The following SLC30A5 variants were observed in gnomAD, a reference collection of about 807,000 sequenced individuals.
The protein encoded by SLC30A5 is proton-coupled zinc antiporter SLC30A5.
Under a neutral mutation model 79.6 loss-of-function variants are expected in SLC30A5, and 33 were observed. That is an observed-to-expected ratio of 0.41 (90% CI 0.31 to 0.55). The LOEUF is 0.55. SLC30A5 is among the 20% of genes least tolerant of loss of function. SLC30A5 has a pLI of 0.20. For synonymous variants in SLC30A5, 299 were observed against 319.7 expected, an observed-to-expected ratio of 0.94 and a Z score of 0.69; for missense variants, 788 against 928.1, an observed-to-expected ratio of 0.85 and a Z score of 1.96.
At chr5:69,098,238 C>T (rs1044988864) in intron 1 of SLC30A5, among the ~76,000 whole-genome samples, 2 of 152,050 alleles carry the variant, frequency 1.3e-5, no homozygotes, top group Admixed American at 6.6e-5. Flanking sequence ...CCCTGGTTCT[C>T]GCCAGGCGCG....
intron 14 of SLC30A5, among the ~76,000 whole-genome samples, chr5:69,126,488 C>A (rs567836176): frequency 6.6e-6 from 1 of 151,918 alleles, no homozygotes; most frequent in Non-Finnish European, 1.5e-5. Context: ...GTAGGCCAGG[C>A]GTGGCGGCTC....
At position 69,115,135 on chromosome 5, in the gene SLC30A5, GAAAAAAAAAAAAAAAAAAAA is replaced by G. The variant is rs60614154; in HGVS notation, c.613-91_613-72del. On this transcript the variant is annotated intron_variant, in intron 7 of 15. Coordinates refer to ENST00000396591, the MANE Select transcript of SLC30A5 (RefSeq NM_022902.5). ...GGCAGAGCAAGACCCTGTCTCTGGG[GAAAAAAAAAAAAAAAAAAAA>G]AAAAAAAAAAGATCATGTATTTAAC... is the stretch of plus-strand genomic sequence containing the variant. 9 of 535,196 alleles carry G rather than the reference GAAAAAAAAAAAAAAAAAAAA, an allele frequency of 1.7e-5. 1 individual carries two copies. The highest frequency in any genetic ancestry group is 7.0e-5 in the Admixed American group (2 of 28,652). The allele number at this position is 535,196 out of a possible 1,614,324, so 33.2% of individuals were successfully genotyped here. A position where few individuals can be genotyped will look rare whatever the true frequency, so the allele number is the denominator to read the frequency against.
intron 1 of SLC30A5, among the ~76,000 whole-genome samples, chr5:69,097,214 C>T (rs1182063011): frequency 1.4e-5 from 2 of 141,460 alleles, no homozygotes; most frequent in African/African-American, 2.7e-5. Flanking sequence ...CTCCCGGATT[C>T]GCACCATTCT....
chr5:69,130,942 G>A lies in SLC30A5; in HGVS notation c.*1325G>A, dbSNP rs1746831213. The A allele has an allele frequency of 6.6e-6, 1 of 151,796 alleles. No homozygotes were observed. Among genetic ancestry groups the A allele is most frequent in the African/African-American group, 2.4e-5 (1 of 41,300 alleles). The allele number at this position is 151,796 out of a possible 1,614,324, so 9.4% of individuals were successfully genotyped here. The stretch of plus-strand genomic sequence containing the variant: ...AACATGTATTATAAATCATATTTTT[G>A]TCTTACCAATTTTAATATATGAGGG... On this transcript the variant is annotated 3_prime_UTR_variant, in exon 16 of 16. Transcript: ENST00000396591.
At chr5:69,123,162 C>T in intron 13 of SLC30A5, 37 bp from the exon 14 acceptor site, 3 of 1,426,366 alleles carry the variant, frequency 2.1e-6, no homozygotes, top group South Asian at 1.3e-5. Context: ...ATTAGATGTG[C>T]CTTAATTTTT....
chr5:69,099,429 C>A lies in SLC30A5; in HGVS notation c.84-1378C>A, dbSNP rs1290401571. Among the ~76,000 whole-genome samples, 3 of 152,254 alleles carry A rather than the reference C, an allele frequency of 2.0e-5. No homozygotes were observed. In the East Asian group the frequency reaches 5.8e-4, roughly 29 times the overall value. ...AAACATGGACATTCTCTTATAAAGC[C>A]AGCAGAGTTGTCTACTTCAGGAAAT... is the stretch of plus-strand genomic sequence containing the variant. On this transcript the variant is annotated intron_variant, in intron 1 of 15. Transcript: ENST00000396591.
In SLC30A5 at chr5:69,116,081, T is replaced by G; in HGVS notation, c.939T>G (p.Ala313=). 1 of 1,614,156 alleles carries G rather than the reference T, an allele frequency of 6.2e-7. No homozygotes were observed. The highest frequency in any genetic ancestry group is 1.6e-4 in the Middle Eastern group (1 of 6,062). ...GATCCTTTCCCATTTTTATTAGTGC[T>G]CTCCTTTTTGGAAATTTTTGGACAC... The part of the protein sequence containing the change: ...RYGSFPIFIS[A]LLFGNFWTHP... Residue 313 remains alanine (A), a synonymous_variant, in exon 9 of 16, where the codon GCT becomes GCG. Coordinates refer to ENST00000396591, the MANE Select transcript of SLC30A5 (RefSeq NM_022902.5). The surrounding 1 kb of genome is among the most constrained non-coding windows in gnomAD (Gnocchi z 4.0).
In SLC30A5 at chr5:69,121,624, T is replaced by C. The variant is rs1746534179; in HGVS notation, c.1570-70T>C. 6.4e-6 allele frequency: 7 copies of C among 1,089,090 alleles called. No homozygotes were observed. The South Asian group carries it at 9.8e-5, about 15-fold the overall frequency. 67.5% of individuals were successfully genotyped at this position (1,089,090 alleles called of 1,614,324 possible). ...AAACAGAAAAACATATATAGCTATA[T>C]AATAACTTTTAAATAACAAGTCTAT... On this transcript the variant is annotated intron_variant, in intron 12 of 15. Coordinates refer to ENST00000396591, the MANE Select transcript of SLC30A5 (RefSeq NM_022902.5).
Position 69,118,495 on chromosome 5 carries a change from T to A in SLC30A5, c.1440-4T>A, listed in dbSNP as rs921409579. ...CTTTTCTGAAAAATGTTCTATGTTTTTAGGTACGGCCGAATAGAAATTCTG... is the reference window on the plus strand; with the variant it reads ...CTTTTCTGAAAAATGTTCTATGTTTATAGGTACGGCCGAATAGAAATTCTG... On this transcript the variant is annotated splice_region_variant and splice_polypyrimidine_tract_variant and intron_variant, in intron 11 of 15. Transcript: ENST00000396591. 1.3e-5 allele frequency: 20 copies of A among 1,594,306 alleles called. No homozygotes were observed. The highest frequency in any genetic ancestry group is 1.7e-5 in the Non-Finnish European group (20 of 1,172,588).
intron 2 of SLC30A5, 160 bp from the exon 3 acceptor site, chr5:69,102,902 T>A: frequency 2.5e-6 from 1 of 399,696 alleles, no homozygotes; most frequent in Non-Finnish European, 4.6e-6. Context: ...GCAATAGGAG[T>A]TTTACTAAAA....
intron 3 of SLC30A5, chr5:69,103,999 T>G: frequency 6.4e-7 from 1 of 1,571,004 alleles, no homozygotes; most frequent in East Asian, 2.3e-5. Context: ...AGAAAAGAAT[T>G]TAAAGACAAA....
At chr5:69,125,378 T>G (rs944096609) in intron 14 of SLC30A5, among the ~76,000 whole-genome samples, 1 of 144,168 alleles carries the variant, frequency 6.9e-6, no homozygotes, top group Admixed American at 7.0e-5. Context: ...TATAAAAAAT[T>G]AGCCGGGCAT....
intron 14 of SLC30A5, among the ~76,000 whole-genome samples, chr5:69,126,579 G>A (rs1746694957): frequency 1.3e-5 from 2 of 152,044 alleles, no homozygotes; most frequent in Non-Finnish European, 2.9e-5. Context: ...TGGTCAATAT[G>A]GTGAAACCCC....
chr5:69,110,336 C>A (rs1746199204), intron 5 of SLC30A5, among the ~76,000 whole-genome samples: 2 of 152,158 alleles, frequency 1.3e-5, no homozygotes, highest in South Asian at 4.1e-4. Flanking sequence ...TAGATAAAGA[C>A]AAATAAGGTA....
In SLC30A5 at chr5:69,104,752, AT is replaced by A. The variant is rs1250758323; in HGVS notation, c.359+39del. The A allele has an allele frequency of 3.2e-6, 5 of 1,577,886 alleles. No homozygotes were observed. The African/African-American group carries it at 7.1e-5, about 22-fold the overall frequency. On this transcript the variant is annotated intron_variant, in intron 4 of 15. Coordinates refer to ENST00000396591, the MANE Select transcript of SLC30A5 (RefSeq NM_022902.5). Reference sequence around the variant, plus strand: ...ATGCATATTTTGAATGTGTGTTTGTATTTCTTCATTTTGAATATTATTTTTG... The same window carrying A: ...ATGCATATTTTGAATGTGTGTTTGTATTCTTCATTTTGAATATTATTTTTG...
At position 69,129,746 on chromosome 5, in the gene SLC30A5, G is replaced by A. The variant is rs1746801979; in HGVS notation, c.*129G>A. Reference sequence around the variant, plus strand: ...ACAGAGTTCCCTACTACTGGATCAAGGAATCTTTCTTGAAGGAAATTTAAA... The same window carrying A: ...ACAGAGTTCCCTACTACTGGATCAAAGAATCTTTCTTGAAGGAAATTTAAA... On this transcript the variant is annotated 3_prime_UTR_variant, in exon 16 of 16. Coordinates refer to ENST00000396591, the MANE Select transcript of SLC30A5 (RefSeq NM_022902.5). 1 of 700,326 alleles carries A rather than the reference G, an allele frequency of 1.4e-6. No homozygotes were observed. The highest frequency in any genetic ancestry group is 1.8e-5 in the African/African-American group (1 of 55,626). The allele number at this position is 700,326 out of a possible 1,614,324, so 43.4% of individuals were successfully genotyped here. A position where few individuals can be genotyped will look rare whatever the true frequency, so the allele number is the denominator to read the frequency against.
At chr5:69,110,079 T>C (rs181996561) in intron 5 of SLC30A5, among the ~76,000 whole-genome samples, 17 of 152,298 alleles carry the variant, frequency 1.1e-4, no homozygotes, top group Admixed American at 5.2e-4. Flanking sequence ...AAAGGTCGGT[T>C]TTAGGACAAC....
chr5:69,108,165 G>A (rs1746137351), intron 4 of SLC30A5, among the ~76,000 whole-genome samples, 184 bp from the exon 5 acceptor site: 1 of 152,212 alleles, frequency 6.6e-6, no homozygotes, highest in South Asian at 2.1e-4. Flanking sequence ...TTAGGTATTT[G>A]TAGCTTCAAT....
At chr5:69,110,585 T>C (rs566950751) in intron 5 of SLC30A5, among the ~76,000 whole-genome samples, 2 of 152,228 alleles carry the variant, frequency 1.3e-5, no homozygotes, top group South Asian at 4.1e-4. Flanking sequence ...GTTTACAAAA[T>C]AGACATTTGT....
Sources: allele counts gnomAD v4.1 joint callset (sites outside exome capture counted in the v4.1 genomes callset), GRCh38; gene constraint gnomAD v4.1.1; non-coding constraint Gnocchi (gnomAD v3.1); transcripts MANE v1.5; gene names NCBI Gene and HGNC (gene_info 2026-07-23, HGNC 2026-07-21).